The following SMC1B variants were observed in gnomAD, a reference collection of about 807,000 sequenced individuals.
SMC1B encodes the protein structural maintenance of chromosomes protein 1B.
SMC1B carries 60 observed loss-of-function variants against 157.9 expected under a neutral mutation model. The observed-to-expected ratio is 0.38, with a 90% confidence interval of 0.31 to 0.47. The LOEUF (loss-of-function observed/expected upper bound fraction) is 0.47, where lower values mean the gene tolerates loss of function less well. Among genes scored for constraint, SMC1B ranks in the 20% least tolerant of loss-of-function variants. The pLI, the probability that SMC1B is intolerant of heterozygous loss-of-function variation, is 0.99. For missense variants in SMC1B, 1,165 were observed against 1,426.2 expected (o/e 0.82, Z 2.95); for synonymous variants, 445 against 483.0 (o/e 0.92, Z 1.03).
At chr22:45,371,397 T>C in intron 14 of SMC1B, 74 bp downstream of exon 14, 1 of 1,438,946 alleles carries the variant, frequency 6.9e-7, no homozygotes, top group South Asian at 1.6e-5. Context: ...TTAGCATATA[T>C]TTAAGAAGCC....
chr22:45,354,149 G>GTTCT lies in SMC1B; in HGVS notation c.3119-21_3119-18dup. 4 of 1,519,194 alleles carry GTTCT rather than the reference G, an allele frequency of 2.6e-6. No homozygotes were observed. Among genetic ancestry groups the GTTCT allele is most frequent in the Non-Finnish European group, 3.5e-6 (4 of 1,140,568 alleles). The allele number at this position is 1,519,194 out of a possible 1,614,324, so 94.1% of individuals were successfully genotyped here. A position where few individuals can be genotyped will look rare whatever the true frequency, so the allele number is the denominator to read the frequency against. ...CCTCAAAAGCTAAGAGAGAATCAAT[G>GTTCT]TTCTTTATTTTAGAGACCACTGAGG... is the stretch of plus-strand genomic sequence containing the variant. On this transcript the variant is annotated splice_polypyrimidine_tract_variant and intron_variant, in intron 20 of 24. Coordinates refer to ENST00000357450, the MANE Select transcript of SMC1B (RefSeq NM_148674.5).
chr22:45,377,885 G>A (rs1372649583), intron 12 of SMC1B, among the ~76,000 whole-genome samples: 4 of 151,552 alleles, frequency 2.6e-5, no homozygotes, highest in Non-Finnish European at 4.4e-5. Context: ...GTCTCCTTCT[G>A]TTACCCAGGT....
rs2086529453 is a variant in SMC1B, at chr22:45,344,416, CTT to C, written c.*138_*139del. On this transcript the variant is annotated 3_prime_UTR_variant, in exon 25 of 25. Transcript: ENST00000357450. ...ACTCAACTAAAGTGAGCCACAGCCTCTTTGGCTAGAACGACTAAGGTTTCTCT... is the reference window on the plus strand; with the variant it reads ...ACTCAACTAAAGTGAGCCACAGCCTCTGGCTAGAACGACTAAGGTTTCTCT... The C allele has an allele frequency of 3.4e-6, 2 of 583,014 alleles. No individual in the cohort carries two copies. The highest frequency in any genetic ancestry group is 1.9e-5 in the African/African-American group (1 of 53,802). 36.1% of individuals were successfully genotyped at this position (583,014 alleles called of 1,614,324 possible). A position where few individuals can be genotyped will look rare whatever the true frequency, so the allele number is the denominator to read the frequency against.
chr22:45,345,337 TAA>T (rs968903341), intron 24 of SMC1B, 120 bp downstream of exon 24: 1 of 548,786 alleles, frequency 1.8e-6, no homozygotes, highest in African/African-American at 1.9e-5. Flanking sequence ...CTTATTTGAT[TAA>T]AAAGTCATTT....
In SMC1B at chr22:45,413,475, G is replaced by A. The variant is rs1214047103; in HGVS notation, c.93C>T (p.Ile31=). Residue 31 remains isoleucine (I), a synonymous_variant, in exon 1 of 25, where the codon ATC becomes ATT. Coordinates refer to ENST00000357450, the MANE Select transcript of SMC1B (RefSeq NM_148674.5). The part of the protein sequence containing the change: ...IGPFRRFTCI[I]GPNGSGKSNV... ...CTCAGTTACCAGAGCCGTTGGGGCC[G>A]ATGATGCAGGTGAACCTCCGGAAGG... The A allele has an allele frequency of 5.0e-6, 8 of 1,608,980 alleles. No individual in the cohort carries two copies. In the Admixed American group the frequency reaches 8.4e-5, roughly 17 times the overall value.
intron 17 of SMC1B, among the ~76,000 whole-genome samples, chr22:45,360,452 GAAAA>G (rs768610872): frequency 6.7e-6 from 1 of 149,740 alleles, no homozygotes; most frequent in Non-Finnish European, 1.5e-5. Flanking sequence ...AAAGAAAATG[GAAAA>G]AAAAAGAAAG....
chr22:45,358,977 A>G (rs534709705), intron 18 of SMC1B, among the ~76,000 whole-genome samples, 182 bp from the exon 19 acceptor site: 9 of 152,248 alleles, frequency 5.9e-5, no homozygotes, highest in Non-Finnish European at 1.0e-4. Flanking sequence ...AATGTGACAC[A>G]GAGACACAGA....
intron 20 of SMC1B, among the ~76,000 whole-genome samples, chr22:45,354,617 C>T (rs1208334688): frequency 6.6e-6 from 1 of 152,080 alleles, no homozygotes; most frequent in East Asian, 1.9e-4. Flanking sequence ...TCTTGAACTC[C>T]TGACCTCAGA....
At chr22:45,380,944 A>G (rs1425508827) in intron 12 of SMC1B, among the ~76,000 whole-genome samples, 4 of 151,584 alleles carry the variant, frequency 2.6e-5, no homozygotes, top group Non-Finnish European at 5.9e-5. Flanking sequence ...CAAACAAACA[A>G]ACAATAAAAG....
chr22:45,353,892 C>CAAAAAAAAAAAAA (rs2086639246), intron 21 of SMC1B, 86 bp downstream of exon 21: 2 of 430,344 alleles, frequency 4.6e-6, no homozygotes, highest in Non-Finnish European at 7.2e-6. Context: ...TTATTTCCCA[C>CAAAAAAAAAAAAA]CAAAAAAAAA....
chr22:45,413,405 T>C (rs1289114285), intron 1 of SMC1B, 54 bp downstream of exon 1: 18 of 1,425,834 alleles, frequency 1.3e-5, no homozygotes, highest in Non-Finnish European at 1.7e-5. Flanking sequence ...ACGTGTGGCC[T>C]GGACGCCTGG....
intron 12 of SMC1B, among the ~76,000 whole-genome samples, chr22:45,382,041 A>G (rs914984151): frequency 6.6e-6 from 1 of 152,218 alleles, no homozygotes; most frequent in Admixed American, 6.5e-5. Context: ...AGTTGGTAAA[A>G]ATAAAGCTGG....
chr22:45,402,643 C>T (rs1169994912), intron 4 of SMC1B, 72 bp from the exon 5 acceptor site: 5 of 951,336 alleles, frequency 5.3e-6, no homozygotes, highest in Non-Finnish European at 8.1e-6. Flanking sequence ...AACTCAACTA[C>T]TATACCAACA....
At chr22:45,347,862 G>A (rs2086568437) in intron 23 of SMC1B, among the ~76,000 whole-genome samples, 1 of 152,184 alleles carries the variant, frequency 6.6e-6, no homozygotes, top group Non-Finnish European at 1.5e-5. Context: ...TCTAGAAGAT[G>A]GATGGGCCTG....
intron 15 of SMC1B, among the ~76,000 whole-genome samples, chr22:45,366,841 A>G (rs1174378442): frequency 2.0e-5 from 3 of 152,038 alleles, no homozygotes; most frequent in Admixed American, 6.6e-5. Flanking sequence ...CATTCCTTTC[A>G]TTCTTTTTTT....
In SMC1B at chr22:45,388,466, G is replaced by T. The variant is rs115559939; in HGVS notation, c.1731+1246C>A. Among the ~76,000 whole-genome samples the T allele has an allele frequency of 4.4e-3, 672 of 152,270 alleles. 2 individuals carry two copies. Among genetic ancestry groups the T allele is most frequent in the African/African-American group, 0.016 (644 of 41,542 alleles). ...TAAAATAGGATTCTAACAGACAGAT[G>T]AGATGGGGTAAAGAGTTTTAGTGAG... On this transcript the variant is annotated intron_variant, in intron 10 of 24. Coordinates refer to ENST00000357450, the MANE Select transcript of SMC1B (RefSeq NM_148674.5).
chr22:45,363,333 T>C (rs2882537), intron 15 of SMC1B, among the ~76,000 whole-genome samples: 59,441 of 152,162 alleles, frequency 0.39, 13,754 homozygotes, highest in Non-Finnish European at 0.53. Context: ...GTATTATGGC[T>C]AAAATATAAT....
At chr22:45,377,818 A>G (rs539286005) in intron 12 of SMC1B, among the ~76,000 whole-genome samples, 1 of 151,238 alleles carries the variant, frequency 6.6e-6, no homozygotes, top group Non-Finnish European at 1.5e-5. Flanking sequence ...TTACAGGCAA[A>G]AGCCACCACG....
intron 23 of SMC1B, 29 bp from the exon 24 acceptor site, chr22:45,345,598 TA>T: frequency 1.4e-6 from 2 of 1,408,330 alleles, no homozygotes; most frequent in Non-Finnish European, 2.0e-6. Flanking sequence ...CACATTTCAC[TA>T]GGAAGGAAAG....
Sources: gnomAD v4.1 joint callset for allele counts (sites outside exome capture counted in the v4.1 genomes callset) on GRCh38, gnomAD v4.1.1 for gene constraint, MANE v1.5 for transcripts, NCBI Gene and HGNC (gene_info 2026-07-23, HGNC 2026-07-21) for gene names.